The following FNDC3B variants were observed in gnomAD, a reference collection of about 807,000 sequenced individuals.
FNDC3B encodes fibronectin type III domain-containing protein 3B.
A neutral mutation model predicts 151.5 loss-of-function variants in FNDC3B; 12 were observed. That is an observed-to-expected ratio of 0.08 (90% confidence interval 0.05 to 0.13). FNDC3B has a LOEUF of 0.13. Among genes scored for constraint, FNDC3B ranks in the 10% least tolerant of loss-of-function variants. The probability of loss-of-function intolerance (pLI) is 1.00; values close to 1 mark genes in which losing one functional copy is unlikely to be tolerated. For synonymous variants in FNDC3B, 528 were observed against 549.0 expected (o/e 0.96, Z 0.54); for missense variants, 1,214 against 1,505.3 (o/e 0.81, Z 3.20).
intron 3 of FNDC3B, among the ~76,000 whole-genome samples, chr3:172,197,728 T>C (rs77718391): frequency 0.043 from 6,569 of 152,308 alleles, 344 homozygotes; most frequent in African/African-American, 0.12. Context: ...TTAGTTGATA[T>C]ATCCTCATGA....
chr3:172,363,049 A>G (rs1734441931), intron 23 of FNDC3B, among the ~76,000 whole-genome samples: 1 of 152,076 alleles, frequency 6.6e-6, no homozygotes, highest in South Asian at 2.1e-4. Context: ...AAAGATCCTG[A>G]TTTCCCTACA....
chr3:172,071,814 G>A (rs906605084), intron 1 of FNDC3B, among the ~76,000 whole-genome samples: 2 of 152,060 alleles, frequency 1.3e-5, no homozygotes, highest in Admixed American at 1.3e-4. Flanking sequence ...TTAACATAGC[G>A]AGCACTTCCG....
intron 13 of FNDC3B, among the ~76,000 whole-genome samples, chr3:172,331,046 C>T (rs1732632362): frequency 6.6e-6 from 1 of 152,208 alleles, no homozygotes; most frequent in Non-Finnish European, 1.5e-5. Flanking sequence ...ACTCATCTCA[C>T]CTGTGGATTA....
intron 1 of FNDC3B, among the ~76,000 whole-genome samples, chr3:172,107,338 G>A (rs534076464): frequency 2.7e-4 from 41 of 152,246 alleles, no homozygotes; most frequent in African/African-American, 7.2e-4. Flanking sequence ...CATAGAATTC[G>A]ACAAATAAAT....
intron 6 of FNDC3B, among the ~76,000 whole-genome samples, chr3:172,273,730 T>G (rs192811993): frequency 2.6e-5 from 4 of 152,256 alleles, no homozygotes; most frequent in Non-Finnish European, 5.9e-5. Flanking sequence ...CTCTACAGTT[T>G]AGCACCTCTT....
intron 16 of FNDC3B, 56 bp from the exon 17 acceptor site, chr3:172,341,057 T>A (rs917263724): frequency 8.6e-7 from 1 of 1,157,000 alleles, no homozygotes; most frequent in Admixed American, 1.7e-5. Context: ...CAGCAATGGC[T>A]GATATGCTAC....
chr3:172,278,105 G>A (rs1321892496), intron 6 of FNDC3B, among the ~76,000 whole-genome samples: 7 of 152,122 alleles, frequency 4.6e-5, no homozygotes, highest in African/African-American at 1.4e-4. Flanking sequence ...AAGAAAATGT[G>A]GATGTAAACA....
At chr3:172,341,895 T>A (rs1049106692) in intron 17 of FNDC3B, among the ~76,000 whole-genome samples, 2 of 152,196 alleles carry the variant, frequency 1.3e-5, no homozygotes, top group African/African-American at 4.8e-5. Flanking sequence ...TAAATATACA[T>A]GGAGTACTCT....
intron 6 of FNDC3B, among the ~76,000 whole-genome samples, chr3:172,281,213 T>TTG (rs1444540408): frequency 4.8e-5 from 5 of 104,244 alleles, no homozygotes; most frequent in Admixed American, 9.5e-5. Flanking sequence ...TTATTATTAT[T>TTG]TATATTTATT....
At chr3:172,076,203 A>G (rs144865453) in intron 1 of FNDC3B, among the ~76,000 whole-genome samples, 3 of 152,266 alleles carry the variant, frequency 2.0e-5, no homozygotes, top group East Asian at 3.9e-4. Context: ...TTTCTTTTAT[A>G]TTGTTTCCTA....
chr3:172,375,748 A>G (rs1560106081), intron 23 of FNDC3B, among the ~76,000 whole-genome samples: 1 of 152,146 alleles, frequency 6.6e-6, no homozygotes, highest in African/African-American at 2.4e-5. Context: ...GCTTAGACGC[A>G]TGCTTATTCT....
chr3:172,310,137 CTCTTGGAA>C (rs770517227), intron 10 of FNDC3B, among the ~76,000 whole-genome samples: 3 of 152,202 alleles, frequency 2.0e-5, no homozygotes, highest in Non-Finnish European at 4.4e-5. Flanking sequence ...TCACCTGTAG[CTCTTGGAA>C]TCCTGAAAAG....
rs1483555372 is a variant in FNDC3B at position 172,102,804 on chromosome 3, AG to A, written c.-28-9644del. ...TGCAGATTAGAATTAGACTTCCTCA[AG>A]GGGCTTTAGAAGTGATGTTTTTCAC... On this transcript the variant is annotated intron_variant, in intron 1 of 25. Coordinates refer to ENST00000415807, the MANE Select transcript of FNDC3B (RefSeq NM_022763.4). Among the ~76,000 whole-genome samples the A allele has an allele frequency of 4.6e-5, 7 of 152,192 alleles. No homozygotes were observed. The East Asian group carries it at 1.2e-3, about 25-fold the overall frequency.
At chr3:172,215,405 T>C (rs569825996) in intron 3 of FNDC3B, among the ~76,000 whole-genome samples, 3 of 152,276 alleles carry the variant, frequency 2.0e-5, no homozygotes, top group Admixed American at 6.5e-5. Context: ...AGAAAGCTGG[T>C]GAGAGAATGA....
intron 6 of FNDC3B, among the ~76,000 whole-genome samples, chr3:172,275,148 G>A (rs1729372526): frequency 1.3e-5 from 2 of 152,180 alleles, no homozygotes; most frequent in African/African-American, 2.4e-5. Context: ...GCTGTTAGGA[G>A]TTGGAGATCA....
chr3:172,269,533 G>A (rs973676719), intron 6 of FNDC3B, among the ~76,000 whole-genome samples: 1 of 151,592 alleles, frequency 6.6e-6, no homozygotes, highest in Non-Finnish European at 1.5e-5. Context: ...GCCTCCCAAT[G>A]TACTGGGATT....
intron 11 of FNDC3B, among the ~76,000 whole-genome samples, chr3:172,320,346 C>T (rs1364395458): frequency 3.9e-5 from 6 of 152,092 alleles, no homozygotes; most frequent in Non-Finnish European, 7.4e-5. Flanking sequence ...TTCCACTGCA[C>T]TCCAGCCTGG....
intron 3 of FNDC3B, among the ~76,000 whole-genome samples, chr3:172,203,198 G>GC (rs1725246641): frequency 6.6e-6 from 1 of 152,270 alleles, no homozygotes; most frequent in African/African-American, 2.4e-5. Flanking sequence ...CTCTCTCCCT[G>GC]CCCCCCTTCC....
At chr3:172,251,626 A>G (rs1728086224) in intron 6 of FNDC3B, 85 bp downstream of exon 6, 19 of 1,302,776 alleles carry the variant, frequency 1.5e-5, no homozygotes, top group Non-Finnish European at 2.0e-5. Context: ...ACATGAGAAT[A>G]TTATTTCATG....
Sources: allele counts gnomAD v4.1 joint callset (sites outside exome capture counted in the v4.1 genomes callset), GRCh38; gene constraint gnomAD v4.1.1; transcripts MANE v1.5; gene names NCBI Gene and HGNC (gene_info 2026-07-23, HGNC 2026-07-21).